Variants in RBFOX3 observed in about 807,000 individuals in gnomAD.
RBFOX3 encodes RNA binding fox-1 homolog 3, also known as RNA binding protein fox-1 homolog 3.
In RBFOX3, 17 loss-of-function variants were observed where a neutral mutation model predicts 48.7. The ratio of observed to expected loss-of-function variants is 0.35; its 90% CI spans 0.24 to 0.52. The LOEUF is 0.52. RBFOX3 is among the 20% of genes least tolerant of loss of function. RBFOX3 has a pLI of 0.94. For missense variants in RBFOX3, 382 were observed against 497.5 expected, an observed-to-expected ratio of 0.77 and a Z score of 2.21; for synonymous variants, 212 against 209.5, an observed-to-expected ratio of 1.01 and a Z score of -0.10.
At chr17:79,403,110 G>T (rs1019599171) in intron 2 of RBFOX3, among the ~76,000 whole-genome samples, 1 of 152,216 alleles carries the variant, frequency 6.6e-6, no homozygotes, top group Admixed American at 6.5e-5. Flanking sequence ...TGCAGCCAGG[G>T]GGAAGGAGGA....
At chr17:79,326,684 G>C (rs756823449) in intron 2 of RBFOX3, among the ~76,000 whole-genome samples, 1 of 152,128 alleles carries the variant, frequency 6.6e-6, no homozygotes, top group Non-Finnish European at 1.5e-5. Context: ...CTGCTCCCCA[G>C]CTCCTCTCCA....
intron 2 of RBFOX3, among the ~76,000 whole-genome samples, chr17:79,420,174 CAAAA>C (rs2066067764): frequency 3.8e-5 from 3 of 79,686 alleles, no homozygotes; most frequent in Non-Finnish European, 8.1e-5. Flanking sequence ...CACACACACA[CAAAA>C]GATGGTTAAC....
At chr17:79,620,701 C>T in the RBFOX3 span, among the ~76,000 whole-genome samples, 4 of 152,050 alleles carry the variant, frequency 2.6e-5, no homozygotes, top group South Asian at 2.1e-4. Flanking sequence ...GTGCCCATGC[C>T]GTCCTGTAGG....
At chr17:79,531,100 C>G (rs1011543282) in intron 1 of RBFOX3, among the ~76,000 whole-genome samples, 5 of 152,254 alleles carry the variant, frequency 3.3e-5, no homozygotes, top group South Asian at 2.1e-4. Flanking sequence ...TTGCGCAGAG[C>G]CTGCCCACTT....
chr17:79,601,522 G>A (rs2093705157), intron 1 of RBFOX3: 1 of 152,206 alleles, frequency 6.6e-6, no homozygotes, highest in South Asian at 2.1e-4. Context: ...GAACATTATA[G>A]TTATGATTAT....
chr17:79,323,574 G>A (rs993043006), intron 2 of RBFOX3, among the ~76,000 whole-genome samples: 1 of 152,234 alleles, frequency 6.6e-6, no homozygotes, highest in Non-Finnish European at 1.5e-5. Context: ...CAGATGCAGA[G>A]TACTCAGTGA....
chr17:79,185,618 C>T (rs896091421), intron 4 of RBFOX3, among the ~76,000 whole-genome samples: 1 of 152,162 alleles, frequency 6.6e-6, no homozygotes, highest in African/African-American at 2.4e-5. Context: ...TCGGGACAGC[C>T]ACATAGCATT....
At position 79,495,483 on chromosome 17, in the gene RBFOX3, A is replaced by AAGGTGGGGGAGGGGTGCAGAGGGTGG. The variant is rs2081325377; in HGVS notation, c.-319-12886_-319-12885insCCACCCTCTGCACCCCTCCCCCACCT. 2.6e-3 allele frequency among the ~76,000 whole-genome samples: 10 copies of AAGGTGGGGGAGGGGTGCAGAGGGTGG among 3,912 alleles called. 1 individual carries two copies. Among genetic ancestry groups the AAGGTGGGGGAGGGGTGCAGAGGGTGG allele is most frequent in the East Asian group, 5.3e-3 (1 of 188 alleles). 2.6% of individuals were successfully genotyped at this position (3,912 alleles called of 152,430 possible). Reference sequence around the variant, plus strand: ...ACTGGGACAGGGGTGCAAAAAGGCAAGAAGGTGGGGGAGGGGTGCAGAGGG... The same window carrying AAGGTGGGGGAGGGGTGCAGAGGGTGG: ...ACTGGGACAGGGGTGCAAAAAGGCAAAGGTGGGGGAGGGGTGCAGAGGGTGGGAAGGTGGGGGAGGGGTGCAGAGGG... On this transcript the variant is annotated intron_variant, in intron 1 of 14. Transcript: ENST00000693108.
the RBFOX3 span, among the ~76,000 whole-genome samples, chr17:79,658,852 A>G: frequency 1.8e-4 from 28 of 152,340 alleles, no homozygotes; most frequent in African/African-American, 6.5e-4. Context: ...CAGGAAGCCT[A>G]CAGGCAAGTC....
At chr17:79,657,501 A>G in the RBFOX3 span, among the ~76,000 whole-genome samples, 1 of 152,214 alleles carries the variant, frequency 6.6e-6, no homozygotes, top group Admixed American at 6.5e-5. Context: ...CAACATGGTG[A>G]AACCCTGTCT....
chr17:79,354,068 AC>A (rs35321017), intron 2 of RBFOX3, among the ~76,000 whole-genome samples: 1 of 151,224 alleles, frequency 6.6e-6, no homozygotes, highest in Non-Finnish European at 1.5e-5. Flanking sequence ...GTTCCCACAG[AC>A]CCCCTGCCCT....
intron 2 of RBFOX3, among the ~76,000 whole-genome samples, chr17:79,332,714 A>G (rs2080545894): frequency 8.4e-6 from 1 of 118,388 alleles, no homozygotes; most frequent in African/African-American, 3.0e-5. Context: ...AGAGACAGAA[A>G]GACAGAGCCT....
intron 1 of RBFOX3, among the ~76,000 whole-genome samples, chr17:79,514,117 G>C (rs1555782521): frequency 6.6e-6 from 1 of 152,092 alleles, no homozygotes; most frequent in Admixed American, 6.5e-5. Context: ...TATCAGACTT[G>C]CCTATGACAG....
chr17:79,167,905 T>C (rs1430851478), intron 4 of RBFOX3, among the ~76,000 whole-genome samples: 2 of 152,180 alleles, frequency 1.3e-5, no homozygotes, highest in Non-Finnish European at 2.9e-5. Context: ...AAAGGCTCTA[T>C]GGATTTCCGA....
intron 4 of RBFOX3, among the ~76,000 whole-genome samples, chr17:79,149,997 G>GT (rs2043985087): frequency 2.1e-5 from 1 of 47,232 alleles, no homozygotes; most frequent in Non-Finnish European, 4.4e-5. Context: ...GGATGGGGGT[G>GT]GGGGTGGGGG....
intron 2 of RBFOX3, among the ~76,000 whole-genome samples, chr17:79,312,247 G>A (rs1368633093): frequency 1.3e-5 from 2 of 149,612 alleles, no homozygotes; most frequent in Non-Finnish European, 3.0e-5. Flanking sequence ...GAAGAAAAAG[G>A]GAGCAGGCAG....
chr17:79,584,282 C>T (rs1422296010), intron 1 of RBFOX3, among the ~76,000 whole-genome samples: 9 of 152,216 alleles, frequency 5.9e-5, no homozygotes, highest in African/African-American at 1.9e-4. Context: ...CACTTTTACA[C>T]TGCTGGTGGG....
intron 2 of RBFOX3, among the ~76,000 whole-genome samples, chr17:79,478,064 G>A (rs949650244): frequency 6.6e-5 from 10 of 152,246 alleles, no homozygotes; most frequent in East Asian, 1.9e-4. Flanking sequence ...TCTCCCCGCT[G>A]CCAAGCAACG....
chr17:79,484,534 A>AG (rs781887530), intron 1 of RBFOX3, among the ~76,000 whole-genome samples: 167 of 5,506 alleles, frequency 0.03, 7 homozygotes, highest in Non-Finnish European at 0.051. Context: ...GCCTGGGTGC[A>AG]GGGGCCTGGG....
Sources: allele counts gnomAD v4.1 joint callset (sites outside exome capture counted in the v4.1 genomes callset), GRCh38; gene constraint gnomAD v4.1.1; transcripts MANE v1.5; gene names NCBI Gene and HGNC (gene_info 2026-07-23, HGNC 2026-07-21).